SLC12A7: variants seen among roughly 807,000 people sequenced by gnomAD.
The protein encoded by SLC12A7 is solute carrier family 12 member 7.
A neutral mutation model predicts 120.6 loss-of-function variants in SLC12A7; 100 were observed. That is an observed-to-expected ratio of 0.83 (90% CI 0.71 to 0.98). SLC12A7 has a LOEUF of 0.98. Ranked by LOEUF, SLC12A7 falls within the 50% of genes least tolerant of loss-of-function variation. The pLI is 0.00. For missense variants in SLC12A7, 1,373 were observed against 1,548.1 expected, an observed-to-expected ratio of 0.89 and a Z score of 1.90; for synonymous variants, 760 against 678.0, an observed-to-expected ratio of 1.12 and a Z score of -1.88.
intron 16 of SLC12A7, among the ~76,000 whole-genome samples, chr5:1,074,087 T>A (rs1190370349): frequency 6.6e-6 from 1 of 150,644 alleles, no homozygotes; most frequent in Non-Finnish European, 1.5e-5. Context: ...GGAGAACAGG[T>A]AGGTTAGACA....
At chr5:1,069,537 C>T (rs1429357033) in intron 17 of SLC12A7, among the ~76,000 whole-genome samples, 2 of 152,228 alleles carry the variant, frequency 1.3e-5, no homozygotes, top group South Asian at 4.1e-4. Flanking sequence ...CGGACACACA[C>T]CACTGCAACA....
chr5:1,080,377 G>A (rs936216363), intron 9 of SLC12A7, among the ~76,000 whole-genome samples: 1 of 152,228 alleles, frequency 6.6e-6, no homozygotes, highest in African/African-American at 2.4e-5. Flanking sequence ...GGCTGGAGCG[G>A]AGGTACAGGG....
At chr5:1,108,791 T>A (rs1579446516) in intron 1 of SLC12A7, among the ~76,000 whole-genome samples, 1 of 152,216 alleles carries the variant, frequency 6.6e-6, no homozygotes, top group Non-Finnish European at 1.5e-5. Flanking sequence ...GCTCTAGCTG[T>A]CCTCAGATTT....
chr5:1,120,547 T>C, the SLC12A7 span, among the ~76,000 whole-genome samples: 1 of 152,222 alleles, frequency 6.6e-6, no homozygotes, highest in Admixed American at 6.5e-5. Context: ...GCACGGCCAC[T>C]GTGGAAAACT....
intron 4 of SLC12A7, among the ~76,000 whole-genome samples, 169 bp from the exon 5 acceptor site, chr5:1,088,529 G>A (rs1740140301): frequency 6.6e-6 from 1 of 152,220 alleles, no homozygotes. Context: ...AGGCTCCCGG[G>A]CACCAGGCAT....
At chr5:1,149,553 G>A in the SLC12A7 span, among the ~76,000 whole-genome samples, 1 of 151,760 alleles carries the variant, frequency 6.6e-6, no homozygotes, top group African/African-American at 2.4e-5. Context: ...CTGCGGCCTG[G>A]GCAACAGAGA....
intron 3 of SLC12A7, among the ~76,000 whole-genome samples, chr5:1,090,883 T>A (rs1486774284): frequency 6.6e-6 from 1 of 152,210 alleles, no homozygotes; most frequent in Non-Finnish European, 1.5e-5. Flanking sequence ...AGGCTGGAGA[T>A]GCCTGGGCCC....
At chr5:1,056,929 T>C (rs1735684101) in intron 22 of SLC12A7, among the ~76,000 whole-genome samples, 1 of 152,196 alleles carries the variant, frequency 6.6e-6, no homozygotes, top group South Asian at 2.1e-4. Context: ...CAGCCTGAAC[T>C]ACCCACAGGG....
upstream of SLC12A7, among the ~76,000 whole-genome samples, chr5:1,113,298 G>A (rs966708535): frequency 2.0e-5 from 3 of 152,200 alleles, no homozygotes; most frequent in Admixed American, 6.5e-5. Flanking sequence ...TGTTTTAGCC[G>A]CTTGCCTGTC....
intron 1 of SLC12A7, among the ~76,000 whole-genome samples, chr5:1,104,635 C>T (rs543458646): frequency 4.2e-4 from 63 of 151,500 alleles, no homozygotes; most frequent in African/African-American, 1.4e-3. Context: ...CACTCTCATC[C>T]CGGACCCCAG....
intron 16 of SLC12A7, among the ~76,000 whole-genome samples, 157 bp downstream of exon 16, chr5:1,074,410 G>A (rs550726479): frequency 9.8e-5 from 15 of 152,298 alleles, no homozygotes; most frequent in African/African-American, 2.2e-4. Flanking sequence ...CCCCAGCTGC[G>A]CCATCCGCTC....
intron 20 of SLC12A7, 78 bp downstream of exon 20, chr5:1,063,766 C>T: frequency 2.7e-6 from 1 of 367,064 alleles, no homozygotes; most frequent in Non-Finnish European, 4.2e-6. Context: ...CCTCACGAGG[C>T]CCACAGCCCT....
At chr5:1,081,932 G>A (rs9312741) in intron 8 of SLC12A7, among the ~76,000 whole-genome samples, 188 bp from the exon 9 acceptor site, 4 of 152,102 alleles carry the variant, frequency 2.6e-5, no homozygotes, top group African/African-American at 9.7e-5. Flanking sequence ...GCCTGTCTGC[G>A]TCTACGGAGG....
chr5:1,069,897 C>T (rs1371070333), intron 17 of SLC12A7, among the ~76,000 whole-genome samples: 3 of 152,084 alleles, frequency 2.0e-5, no homozygotes, highest in Non-Finnish European at 4.4e-5. Flanking sequence ...TCAGAGCTGG[C>T]ACCAGCATGC....
intron 1 of SLC12A7, among the ~76,000 whole-genome samples, chr5:1,104,169 A>G (rs1742282685): frequency 6.6e-6 from 1 of 152,132 alleles, no homozygotes; most frequent in Non-Finnish European, 1.5e-5. Context: ...GTGACTGCCC[A>G]GGGCGTCTCT....
chr5:1,088,054 G>A (rs984300144), intron 5 of SLC12A7, among the ~76,000 whole-genome samples: 10 of 152,126 alleles, frequency 6.6e-5, no homozygotes, highest in African/African-American at 1.9e-4. Flanking sequence ...TCCCCAGCCC[G>A]CTGCCTGGTG....
At chr5:1,105,833 C>G (rs1333868525) in intron 1 of SLC12A7, among the ~76,000 whole-genome samples, 1 of 152,208 alleles carries the variant, frequency 6.6e-6, no homozygotes, top group East Asian at 1.9e-4. Flanking sequence ...CCCAGCCCAG[C>G]CCACTGCCCT....
Position 1,085,322 on chromosome 5 carries a change from A to C in SLC12A7, c.827T>G (p.Leu276Arg). Reference protein sequence around the residue: ...VFVGVKYVNKLALVFLACVVL... With the variant: ...VFVGVKYVNKRALVFLACVVL... ...GACGCAGGCCAGGAAGACCAGCGCC[A>C]GCTTGTTGACATACTTGACGCCCAC... The change falls in exon 7 of 24, where the codon CTG (leucine) becomes CGG (arginine). Residue 276 changes from leucine (L) to arginine (R), a missense_variant. Transcript: ENST00000264930. The C allele has an allele frequency of 1.2e-6, 2 of 1,612,598 alleles. No individual in the cohort carries two copies. The highest frequency in any genetic ancestry group is 1.7e-6 in the Non-Finnish European group (2 of 1,179,854).
the SLC12A7 span, among the ~76,000 whole-genome samples, chr5:1,129,312 C>T: frequency 1.9e-4 from 29 of 152,156 alleles, no homozygotes; most frequent in Non-Finnish European, 2.9e-4. Context: ...GTGGGCAGGA[C>T]GTTCAGGTAA....
Sources: gnomAD v4.1 joint callset for allele counts (sites outside exome capture counted in the v4.1 genomes callset) on GRCh38, gnomAD v4.1.1 for gene constraint, MANE v1.5 for transcripts, NCBI Gene and HGNC (gene_info 2026-07-23, HGNC 2026-07-21) for gene names.